NEO1: variants seen among roughly 807,000 people sequenced by gnomAD.
NEO1 encodes the protein neogenin 1.
NEO1 carries 63 observed loss-of-function variants against 159.7 expected under a neutral mutation model. The observed-to-expected ratio is 0.39, with a 90% CI of 0.32 to 0.49. NEO1 has a LOEUF of 0.49. Ranked by LOEUF, NEO1 falls within the 20% of genes least tolerant of loss-of-function variation. The probability of loss-of-function intolerance (pLI) is 0.85; values close to 1 mark genes in which losing one functional copy is unlikely to be tolerated. For synonymous variants in NEO1, 633 were observed against 662.0 expected (o/e 0.96, Z 0.67); for missense variants, 1,615 against 1,831.0 (o/e 0.88, Z 2.15).
rs563480922 is a variant in NEO1, at chr15:73,303,231, C to G, written c.*535C>G. On this transcript the variant is annotated 3_prime_UTR_variant, in exon 29 of 29. Coordinates refer to ENST00000261908, the MANE Select transcript of NEO1 (RefSeq NM_002499.4). ...CAGTGTGGGTCGTTCCTGGGGTTGG[C>G]TTGTTTTTTGGTTTCATTTTTATTT... is the stretch of plus-strand genomic sequence containing the variant. The G allele has an allele frequency of 6.6e-6, 1 of 152,544 alleles. No individual in the cohort carries two copies. The highest frequency in any genetic ancestry group is 1.5e-5 in the Non-Finnish European group (1 of 68,130). 9.4% of individuals were successfully genotyped at this position (152,544 alleles called of 1,614,324 possible).
At chr15:73,195,094 A>G (rs1018626089) in intron 7 of NEO1, among the ~76,000 whole-genome samples, 5 of 152,208 alleles carry the variant, frequency 3.3e-5, no homozygotes, top group African/African-American at 7.2e-5. Context: ...TAATGACTCA[A>G]TGATAATTTT....
At chr15:73,167,942 A>G (rs1668980319) in intron 5 of NEO1, among the ~76,000 whole-genome samples, 2 of 152,190 alleles carry the variant, frequency 1.3e-5, no homozygotes, top group Admixed American at 6.5e-5. Context: ...ATAAACATTT[A>G]AAAGCAAAAT....
chr15:73,154,175 G>A (rs745444211), intron 5 of NEO1, among the ~76,000 whole-genome samples: 4 of 151,776 alleles, frequency 2.6e-5, no homozygotes, highest in Non-Finnish European at 5.9e-5. Flanking sequence ...CAGATTAAAA[G>A]CTCAGGACTT....
At chr15:73,167,704 T>G (rs976389971) in intron 5 of NEO1, among the ~76,000 whole-genome samples, 1 of 152,228 alleles carries the variant, frequency 6.6e-6, no homozygotes, top group Non-Finnish European at 1.5e-5. Context: ...TATGTTTAAC[T>G]TTGTTAAAGA....
chr15:73,174,153 A>G (rs2035145810), intron 5 of NEO1, among the ~76,000 whole-genome samples: 1 of 152,148 alleles, frequency 6.6e-6, no homozygotes, highest in Admixed American at 6.5e-5. Flanking sequence ...AAAGGGCAAA[A>G]TAGGACATTA....
intron 21 of NEO1, among the ~76,000 whole-genome samples, chr15:73,274,954 C>CA (rs1299560102): frequency 6.6e-6 from 1 of 152,156 alleles, no homozygotes; most frequent in Non-Finnish European, 1.5e-5. Flanking sequence ...ACTGGTCCTG[C>CA]AGCTGTAGGA....
intron 22 of NEO1, among the ~76,000 whole-genome samples, chr15:73,281,819 C>T (rs1415030267): frequency 1.3e-5 from 2 of 151,976 alleles, no homozygotes; most frequent in Non-Finnish European, 2.9e-5. Context: ...TATGAGCATA[C>T]ATAAATAATG....
intron 1 of NEO1, among the ~76,000 whole-genome samples, chr15:73,099,859 G>A (rs1430381096): frequency 2.6e-5 from 4 of 152,094 alleles, no homozygotes; most frequent in African/African-American, 9.7e-5. Flanking sequence ...TGGCAAAATC[G>A]CTTTAAAAAT....
chr15:73,269,318 G>A (rs1187559958), intron 16 of NEO1, among the ~76,000 whole-genome samples: 1 of 152,112 alleles, frequency 6.6e-6, no homozygotes, highest in Non-Finnish European at 1.5e-5. Flanking sequence ...TTGTACCCCT[G>A]ATTCTAAAAG....
Position 73,158,208 on chromosome 15 carries a change from C to CTTTTTTTTTTTT in NEO1, c.1016-18181_1016-18170dup, listed in dbSNP as rs1047852394. Among the ~76,000 whole-genome samples, 19 of 82,554 alleles carry CTTTTTTTTTTTT rather than the reference C, an allele frequency of 2.3e-4. 1 individual carries two copies. The highest frequency in any genetic ancestry group is 8.0e-4 in the African/African-American group (18 of 22,476). The allele number at this position is 82,554 out of a possible 152,430, so 54.2% of individuals were successfully genotyped here. A position where few individuals can be genotyped will look rare whatever the true frequency, so the allele number is the denominator to read the frequency against. ...CCAGCCTGGGAGAAAGAGTGAGACT[C>CTTTTTTTTTTTT]TTTTTTTTTTTTTTTTTTTTTTTTT... On this transcript the variant is annotated intron_variant, in intron 5 of 28. Transcript: ENST00000261908.
At chr15:73,119,837 T>G in intron 2 of NEO1, among the ~76,000 whole-genome samples, 1 of 152,190 alleles carries the variant, frequency 6.6e-6, no homozygotes, top group East Asian at 1.9e-4. Context: ...ATTTTTTGAC[T>G]CTTTAAAAAT....
chr15:73,172,483 A>G (rs1302684347), intron 5 of NEO1, among the ~76,000 whole-genome samples: 1 of 152,208 alleles, frequency 6.6e-6, no homozygotes, highest in Non-Finnish European at 1.5e-5. Context: ...ATCTTAGTGT[A>G]CTTAGGAATA....
intron 5 of NEO1, among the ~76,000 whole-genome samples, chr15:73,155,013 T>C (rs2033672929): frequency 2.0e-5 from 3 of 151,854 alleles, no homozygotes; most frequent in African/African-American, 7.3e-5. Context: ...TATAAAGTCT[T>C]TGTGTTTTTT....
intron 5 of NEO1, among the ~76,000 whole-genome samples, chr15:73,138,627 C>G (rs201458551): frequency 6.6e-6 from 1 of 151,992 alleles, no homozygotes. Context: ...GTAGTGGCGG[C>G]CGCCTGTAGT....
chr15:73,168,454 CTCCCAA>C (rs1409045973), intron 5 of NEO1, among the ~76,000 whole-genome samples: 1 of 151,370 alleles, frequency 6.6e-6, no homozygotes, highest in African/African-American at 2.4e-5. Flanking sequence ...CTGACTTGGC[CTCCCAA>C]AGTGCTAGGA....
intron 7 of NEO1, among the ~76,000 whole-genome samples, chr15:73,228,465 G>GTT (rs377106378): frequency 4.4e-5 from 6 of 135,014 alleles, no homozygotes; most frequent in Non-Finnish European, 6.4e-5. Context: ...TTGGGTATAA[G>GTT]TTTTTTTTTT....
rs952837071 is a variant in NEO1 at position 73,258,831 on chromosome 15, G to C, written c.2158G>C (p.Ala720Pro). 2 of 1,613,876 alleles carry C rather than the reference G, an allele frequency of 1.2e-6. No individual in the cohort carries two copies. The highest frequency in any genetic ancestry group is 8.5e-7 in the Non-Finnish European group (1 of 1,179,882). Reference sequence around the variant, plus strand: ...TCTAACAATCAATGGTACAGGCCCGGCAACTGACTGGCTGTCTGCTGAAAC... The same window carrying C: ...TCTAACAATCAATGGTACAGGCCCGCCAACTGACTGGCTGTCTGCTGAAAC... ...AALTINGTGP[A>P]TDWLSAETFE... is the part of the protein sequence containing the mutation. Residue 720 changes from alanine to proline, a missense_variant, in exon 14 of 29, where the codon GCA (alanine) becomes CCA (proline). Physicochemically the swap from Ala to Pro is conservative, Grantham distance 27. Coordinates refer to ENST00000261908, the MANE Select transcript of NEO1 (RefSeq NM_002499.4).
intron 15 of NEO1, among the ~76,000 whole-genome samples, chr15:73,260,738 T>A (rs1267412994): frequency 6.6e-6 from 1 of 152,164 alleles, no homozygotes; most frequent in Non-Finnish European, 1.5e-5. Context: ...TGGGTTTCTG[T>A]CAGTGCATCA....
intron 4 of NEO1, among the ~76,000 whole-genome samples, chr15:73,130,971 A>G (rs2031042961): frequency 6.6e-6 from 1 of 152,210 alleles, no homozygotes; most frequent in Non-Finnish European, 1.5e-5. Context: ...CTAAGAAGCA[A>G]TGAGGAAACC....
Sources: allele counts gnomAD v4.1 joint callset (sites outside exome capture counted in the v4.1 genomes callset), GRCh38; gene constraint gnomAD v4.1.1; transcripts MANE v1.5; gene names NCBI Gene and HGNC (gene_info 2026-07-23, HGNC 2026-07-21).